The following CDCA7L variants were observed in gnomAD, a reference collection of about 807,000 sequenced individuals.
The protein encoded by CDCA7L is cell division cycle-associated 7-like protein.
Under a neutral mutation model 57.4 loss-of-function variants are expected in CDCA7L, and 44 were observed. The observed-to-expected ratio is 0.77, with a 90% confidence interval of 0.60 to 0.98. CDCA7L has a LOEUF of 0.98. CDCA7L is among the 50% of genes least tolerant of loss of function. The pLI is 0.00. For synonymous variants in CDCA7L, 236 were observed against 202.8 expected (o/e 1.16, Z -1.39); for missense variants, 644 against 580.6 (o/e 1.11, Z -1.12).
intron 1 of CDCA7L, among the ~76,000 whole-genome samples, chr7:21,942,131 C>T (rs1268541862): frequency 6.6e-6 from 1 of 152,190 alleles, no homozygotes; most frequent in Non-Finnish European, 1.5e-5. Context: ...TGTACTAACC[C>T]AGTCAGCAAG....
Position 21,906,275 on chromosome 7 carries a change from T to C in CDCA7L, c.921+14A>G, listed in dbSNP as rs1785135931. ...CTCAGACAAAAACTAATTCATGTATTAGTCAGAAAATACCCCAATTGTCTT... is the reference window on the plus strand; with the variant it reads ...CTCAGACAAAAACTAATTCATGTATCAGTCAGAAAATACCCCAATTGTCTT... On this transcript the variant is annotated intron_variant, in intron 6 of 9. Transcript: ENST00000406877. 1.3e-6 allele frequency: 2 copies of C among 1,576,016 alleles called. No individual in the cohort carries two copies. The highest frequency in any genetic ancestry group is 2.2e-5 in the East Asian group (1 of 44,456).
rs143234486 is a variant in CDCA7L at position 21,905,420 on chromosome 7, A to T, written c.1047+86T>A. The T allele has an allele frequency of 7.7e-6, 11 of 1,436,480 alleles. No homozygotes were observed. In the African/African-American group the frequency reaches 1.3e-4, roughly 16 times the overall value. The allele number at this position is 1,436,480 out of a possible 1,614,324, so 89.0% of individuals were successfully genotyped here. A position where few individuals can be genotyped will look rare whatever the true frequency, so the allele number is the denominator to read the frequency against. ...TCTGAGCCCTTGGTGAGATGGCATA[A>T]GCCCTGATAGAGTTTAAAAACAAGT... On this transcript the variant is annotated intron_variant, in intron 7 of 9. Transcript: ENST00000406877.
chr7:21,903,978 T>G, intron 8 of CDCA7L, 132 bp downstream of exon 8: 1 of 803,300 alleles, frequency 1.2e-6, no homozygotes, highest in Non-Finnish European at 1.8e-6. Flanking sequence ...CCTGGAGCCT[T>G]AAGATACAAA....
Position 21,902,263 on chromosome 7 carries a change from G to A in CDCA7L, c.*59C>T. ...AAAAAATCTTTCTTAGGCACCAATGGTATGCATGTCTTGTTGGAGTACTCT... is the reference window on the plus strand; with the variant it reads ...AAAAAATCTTTCTTAGGCACCAATGATATGCATGTCTTGTTGGAGTACTCT... On this transcript the variant is annotated 3_prime_UTR_variant, in exon 10 of 10. Coordinates refer to ENST00000406877, the MANE Select transcript of CDCA7L (RefSeq NM_018719.5). 2 of 1,436,488 alleles carry A rather than the reference G, an allele frequency of 1.4e-6. No individual in the cohort carries two copies. Among genetic ancestry groups the A allele is most frequent in the Non-Finnish European group, 2.0e-6 (2 of 1,019,672 alleles). The allele number at this position is 1,436,488 out of a possible 1,614,324, so 89.0% of individuals were successfully genotyped here. A position where few individuals can be genotyped will look rare whatever the true frequency, so the allele number is the denominator to read the frequency against.
In CDCA7L at chr7:21,931,526, C is replaced by A. The variant is rs947840087; in HGVS notation, c.24+14255G>T. Among the ~76,000 whole-genome samples the A allele has an allele frequency of 1.8e-4, 28 of 152,148 alleles. 1 individual carries two copies. The highest frequency in any genetic ancestry group is 6.8e-4 in the African/African-American group (28 of 41,426). On this transcript the variant is annotated intron_variant, in intron 1 of 9. Transcript: ENST00000406877. ...ACATAAACAGAACCAATGACAAAAA[C>A]CACATGATTATCTCAATATATGCAG...
chr7:21,901,443 C>G lies in CDCA7L; in HGVS notation c.*879G>C, dbSNP rs62445901. 102,753 of 706,360 alleles carry G rather than the reference C, an allele frequency of 0.15. 8,601 individuals are homozygous for G. The highest frequency in any genetic ancestry group is 0.34 in the East Asian group (8,964 of 26,328). The allele number at this position is 706,360 out of a possible 1,614,324, so 43.8% of individuals were successfully genotyped here. ...ACTAACTCAGGGCTGAGCGTGGTGGCACACGACTGTAATCCCAGTTACTCA... is the reference window on the plus strand; with the variant it reads ...ACTAACTCAGGGCTGAGCGTGGTGGGACACGACTGTAATCCCAGTTACTCA... On this transcript the variant is annotated 3_prime_UTR_variant, in exon 10 of 10. Transcript: ENST00000406877.
intron 8 of CDCA7L, 96 bp downstream of exon 8, chr7:21,904,014 A>G: frequency 8.6e-7 from 1 of 1,169,262 alleles, no homozygotes; most frequent in South Asian, 2.5e-5. Context: ...AGAGTTCTGG[A>G]GCTCCCTAGT....
chr7:21,906,406 A>G lies in CDCA7L; in HGVS notation c.804T>C (p.Arg268=), dbSNP rs780423280. The G allele has an allele frequency of 9.3e-6, 15 of 1,613,310 alleles. No individual in the cohort carries two copies. Among genetic ancestry groups the G allele is most frequent in the African/African-American group, 1.3e-5 (1 of 74,856 alleles). The change falls in exon 6 of 10, where the codon CGT becomes CGC. Residue 268 remains arginine, a synonymous_variant. Transcript: ENST00000406877. ...GCCGCGCACTCCGGGTTGGGTTCATACGCCGCGTGATCTGTCCCTCCGAGA... is the reference window on the plus strand; with the variant it reads ...GCCGCGCACTCCGGGTTGGGTTCATGCGCCGCGTGATCTGTCCCTCCGAGA... ...RAFSEGQITR[R]MNPTRSARPP...
At chr7:21,939,626 C>G (rs1786280009) in intron 1 of CDCA7L, among the ~76,000 whole-genome samples, 1 of 152,156 alleles carries the variant, frequency 6.6e-6, no homozygotes, top group Non-Finnish European at 1.5e-5. Context: ...TCAAATTGGA[C>G]AAGTCTGTTC....
chr7:21,902,599 T>TGTAACTCACA lies in CDCA7L; in HGVS notation c.1335-257_1335-248dup. The stretch of plus-strand genomic sequence containing the variant: ...GTTTATTAATTACATAAATGAAACT[T>TGTAACTCACA]GTAACTCACATTCTGTCCTCTTGCC... On this transcript the variant is annotated intron_variant, in intron 9 of 9. Coordinates refer to ENST00000406877, the MANE Select transcript of CDCA7L (RefSeq NM_018719.5). 1.4e-5 allele frequency: 8 copies of TGTAACTCACA among 565,868 alleles called. No homozygotes were observed. The South Asian group carries it at 1.7e-4, about 12-fold the overall frequency. 35.1% of individuals were successfully genotyped at this position (565,868 alleles called of 1,614,324 possible).
Position 21,901,897 on chromosome 7 carries a change from G to A in CDCA7L, c.*425C>T, listed in dbSNP as rs1280010970. On this transcript the variant is annotated 3_prime_UTR_variant, in exon 10 of 10. Coordinates refer to ENST00000406877, the MANE Select transcript of CDCA7L (RefSeq NM_018719.5). ...CAAGAGCAGGTTAAACGATGTGTGT[G>A]GTCTATTAAACTGTGGTCACTCGTG... The A allele has an allele frequency of 1.5e-5, 3 of 196,236 alleles. No homozygotes were observed. The highest frequency in any genetic ancestry group is 5.3e-5 in the Admixed American group (1 of 18,818). The allele number at this position is 196,236 out of a possible 1,614,324, so 12.2% of individuals were successfully genotyped here. A position where few individuals can be genotyped will look rare whatever the true frequency, so the allele number is the denominator to read the frequency against.
chr7:21,917,306 CTATT>C (rs1184512949), intron 1 of CDCA7L, among the ~76,000 whole-genome samples: 2 of 152,162 alleles, frequency 1.3e-5, no homozygotes, highest in Admixed American at 6.5e-5. Flanking sequence ...TTCACCTACA[CTATT>C]TATTTTTCTC....
intron 9 of CDCA7L, 105 bp from the exon 10 acceptor site, chr7:21,902,457 AGATCTCCT>A: frequency 9.2e-7 from 1 of 1,082,708 alleles, no homozygotes; most frequent in East Asian, 2.4e-5. Flanking sequence ...GCCAGAACCC[AGATCTCCT>A]GACACTCGAA....
intron 3 of CDCA7L, among the ~76,000 whole-genome samples, chr7:21,911,081 G>C (rs913017609): frequency 3.2e-5 from 4 of 124,184 alleles, no homozygotes; most frequent in Admixed American, 1.1e-4. Flanking sequence ...CCAGGCTGGA[G>C]TGCAGTGGCT....
At chr7:21,935,882 G>A (rs551570853) in intron 1 of CDCA7L, among the ~76,000 whole-genome samples, 6 of 152,036 alleles carry the variant, frequency 3.9e-5, no homozygotes, top group South Asian at 4.1e-4. Flanking sequence ...GGTGGTGGGC[G>A]CCTGTAATCC....
Position 21,908,397 on chromosome 7 carries a change from A to T in CDCA7L, c.414T>A (p.Ser138Arg). 1 of 1,604,562 alleles carries T rather than the reference A, an allele frequency of 6.2e-7. No homozygotes were observed. Among genetic ancestry groups the T allele is most frequent in the Non-Finnish European group, 8.5e-7 (1 of 1,177,144 alleles). Residue 138 changes from serine (S) to arginine (R), a missense_variant, in exon 4 of 10, where the codon AGT becomes AGA. By Grantham distance (110) the Ser-to-Arg change is moderately radical. Transcript: ENST00000406877. ...GAAAGGCTACTCGAAGACCAATACT[A>T]CTTCTTCTAGACCTGCTTCTTCTAG... ...ATPRRSRSRR[S>R]SIGLRVAFQF...
rs538305203 is a variant in CDCA7L at position 21,901,999 on chromosome 7, T to C, written c.*323A>G. ...ATAGATCAAGTGCAGGAGCTGATCA[T>C]ACAATGTTTTCTCTCTAACTTACTT... is the stretch of plus-strand genomic sequence containing the variant. On this transcript the variant is annotated 3_prime_UTR_variant, in exon 10 of 10. Transcript: ENST00000406877. 2.9e-6 allele frequency: 1 copy of C among 344,512 alleles called. No individual in the cohort carries two copies. The highest frequency in any genetic ancestry group is 5.4e-6 in the Non-Finnish European group (1 of 183,720). The allele number at this position is 344,512 out of a possible 1,614,324, so 21.3% of individuals were successfully genotyped here.
rs183789048 is a variant in CDCA7L at position 21,914,232 on chromosome 7, C to T, written c.166-2478G>A. The stretch of plus-strand genomic sequence containing the variant: ...CCCAGCAAACAACACCCCCCGTGCT[C>T]ACTGTATACAGTCAGGTGGGGTGTT... On this transcript the variant is annotated intron_variant, in intron 2 of 9. Transcript: ENST00000406877. 5.9e-5 allele frequency among the ~76,000 whole-genome samples: 9 copies of T among 152,318 alleles called. 1 individual carries two copies. In the South Asian group the frequency reaches 8.3e-4, roughly 14 times the overall value.
intron 1 of CDCA7L, among the ~76,000 whole-genome samples, chr7:21,935,023 A>C (rs1786122958): frequency 6.6e-6 from 1 of 152,196 alleles, no homozygotes; most frequent in African/African-American, 2.4e-5. Context: ...AGCAATAAGG[A>C]AACAGAAGAC....
Sources: gnomAD v4.1 joint callset for allele counts (sites outside exome capture counted in the v4.1 genomes callset) on GRCh38, gnomAD v4.1.1 for gene constraint, MANE v1.5 for transcripts, NCBI Gene and HGNC (gene_info 2026-07-23, HGNC 2026-07-21) for gene names.